MS4A15: variants seen among roughly 807,000 people sequenced by gnomAD.
The protein encoded by MS4A15 is membrane spanning 4-domains A15.
MS4A15 carries 22 observed loss-of-function variants against 20.6 expected under a neutral mutation model. The observed-to-expected ratio is 1.07, with a 90% confidence interval of 0.76 to 1.52. The LOEUF (loss-of-function observed/expected upper bound fraction) is 1.52, where lower values mean the gene tolerates loss of function less well. Ranked by LOEUF, MS4A15 falls within the 40% of genes most tolerant of loss-of-function variation. The probability of loss-of-function intolerance (pLI) is 0.00; values close to 1 mark genes in which losing one functional copy is unlikely to be tolerated. For synonymous variants in MS4A15, 129 were observed against 129.3 expected (o/e 1.00, Z 0.02); for missense variants, 312 against 323.0 (o/e 0.97, Z 0.26).
rs538028502 is a variant in MS4A15 at position 60,773,552 on chromosome 11, G to A, written c.498+68G>A. 4.7e-4 allele frequency: 688 copies of A among 1,453,254 alleles called. 1 individual carries two copies. In the African/African-American group the frequency reaches 9.0e-3, roughly 19 times the overall value. The allele number at this position is 1,453,254 out of a possible 1,614,324, so 90.0% of individuals were successfully genotyped here. On this transcript the variant is annotated intron_variant, in intron 5 of 6. Transcript: ENST00000405633. ...TGATGCAGCCATGTCCAGGAGGGTA[G>A]GGAGGTGAGAGTTTGCAGCGCCAGG...
Position 60,763,941 on chromosome 11 carries a change from G to C in MS4A15, c.208G>C (p.Glu70Gln). 1 of 1,612,716 alleles carries C rather than the reference G, an allele frequency of 6.2e-7. No individual in the cohort carries two copies. Among genetic ancestry groups the C allele is most frequent in the African/African-American group, 1.3e-5 (1 of 75,020 alleles). The part of the protein sequence containing the change: ...LRPVETFLTG[E>Q]PKVLGTVQIL... ...GCCCGTGGAGACATTCCTGACAGGA[G>C]AGCCCAAAGTTTTGGGGGTAAGAAC... The change falls in exon 2 of 7, where the codon GAG becomes CAG. Residue 70 changes from glutamate to glutamine, a missense_variant. Transcript: ENST00000405633.
At chr11:60,769,137 A>G (rs1853962326) in intron 3 of MS4A15, among the ~76,000 whole-genome samples, 1 of 152,006 alleles carries the variant, frequency 6.6e-6, no homozygotes, top group African/African-American at 2.4e-5. Flanking sequence ...TATCACAAAT[A>G]TGCCCAGTAA....
intron 4 of MS4A15, among the ~76,000 whole-genome samples, chr11:60,772,316 G>T (rs577145675): frequency 6.6e-6 from 1 of 152,200 alleles, no homozygotes; most frequent in East Asian, 1.9e-4. Context: ...GACCACAGAG[G>T]CTTCAGCAGG....
At chr11:60,767,748 C>T in intron 3 of MS4A15, 93 bp downstream of exon 3, 1 of 1,389,716 alleles carries the variant, frequency 7.2e-7, no homozygotes, top group South Asian at 1.6e-5. Context: ...CTCCTGGGCA[C>T]AGCCTCTCCT....
intron 2 of MS4A15, among the ~76,000 whole-genome samples, chr11:60,765,560 A>G (rs1182918572): frequency 6.6e-6 from 1 of 152,164 alleles, no homozygotes; most frequent in African/African-American, 2.4e-5. Flanking sequence ...TTCCTGTTGG[A>G]CAGATTACGA....
At chr11:60,769,562 A>G (rs928018451) in intron 3 of MS4A15, among the ~76,000 whole-genome samples, 2 of 152,050 alleles carry the variant, frequency 1.3e-5, no homozygotes, top group African/African-American at 4.8e-5. Flanking sequence ...CGGATTCTAA[A>G]CCCAGCTGCC....
At chr11:60,759,322 CTA>C (rs1238919797) in intron 1 of MS4A15, among the ~76,000 whole-genome samples, 6 of 152,242 alleles carry the variant, frequency 3.9e-5, no homozygotes, top group Non-Finnish European at 8.8e-5. Context: ...GCCTTGTTAA[CTA>C]TATGTTTGCA....
intron 2 of MS4A15, among the ~76,000 whole-genome samples, 156 bp downstream of exon 2, chr11:60,764,114 G>A (rs923703098): frequency 1.3e-4 from 20 of 152,172 alleles, no homozygotes; most frequent in African/African-American, 3.9e-4. Flanking sequence ...CACCCTTCCC[G>A]CATAAAGTTC....
rs2134729776 is a variant in MS4A15 at position 60,773,478 on chromosome 11, C to T, written c.492C>T (p.Thr164=). The T allele has an allele frequency of 6.2e-7, 1 of 1,613,706 alleles. No individual in the cohort carries two copies. Among genetic ancestry groups the T allele is most frequent in the Non-Finnish European group, 8.5e-7 (1 of 1,179,736 alleles). ...TAILLMDFGV[T]NRDVDRGYLA... Reference sequence around the variant, plus strand: ...TTCTGCTCATGGATTTTGGTGTTACCAACCGGGTGCGTTGTCAGATGGCCC... The same window carrying T: ...TTCTGCTCATGGATTTTGGTGTTACTAACCGGGTGCGTTGTCAGATGGCCC... The change falls in exon 5 of 7, where the codon ACC becomes ACT. Residue 164 remains threonine (T), a synonymous_variant. Transcript: ENST00000405633.
intron 6 of MS4A15, among the ~76,000 whole-genome samples, chr11:60,775,327 A>AG (rs1854162482): frequency 1.3e-5 from 2 of 150,608 alleles, no homozygotes. Flanking sequence ...CAAAAAAAAA[A>AG]AGAAAAGAAA....
chr11:60,771,418 C>T (rs752179169), intron 4 of MS4A15, 71 bp downstream of exon 4: 11 of 1,598,790 alleles, frequency 6.9e-6, no homozygotes, highest in Non-Finnish European at 8.5e-6. Context: ...CCTGCCCCTC[C>T]CATCCACTCA....
intron 3 of MS4A15, 133 bp downstream of exon 3, chr11:60,767,788 G>T (rs1186979261): frequency 7.1e-6 from 8 of 1,125,324 alleles, no homozygotes; most frequent in Non-Finnish European, 8.3e-6. Context: ...CTTCCTAGAA[G>T]AACTAGAGTC....
At position 60,767,645 on chromosome 11, in the gene MS4A15, G is replaced by A; in HGVS notation, c.338G>A (p.Gly113Glu). The A allele has an allele frequency of 6.4e-7, 1 of 1,552,454 alleles. No homozygotes were observed. The highest frequency in any genetic ancestry group is 8.7e-7 in the Non-Finnish European group (1 of 1,147,678). The change falls in exon 3 of 7, where the codon GGA (glycine) becomes GAA (glutamate). Residue 113 changes from glycine (G) to glutamate (E), a missense_variant. Physicochemically the swap from Gly to Glu is moderately conservative, Grantham distance 98 (BLOSUM62 -2). Transcript: ENST00000405633. ...ATCGAGGGCGGCGTCCCCTTCTGGG[G>A]AGGAGCCTGCGTGAGTGCCGGGGCC... ...FFIEGGVPFW[G>E]GACFIISGSL...
intron 1 of MS4A15, among the ~76,000 whole-genome samples, chr11:60,762,536 A>G (rs1239251943): frequency 2.0e-5 from 3 of 152,242 alleles, no homozygotes; most frequent in African/African-American, 4.8e-5. Context: ...AAGGCTTTCA[A>G]TAGTTAAACC....
intron 1 of MS4A15, among the ~76,000 whole-genome samples, chr11:60,757,571 A>G (rs545732881): frequency 7.8e-4 from 118 of 152,210 alleles, no homozygotes; most frequent in African/African-American, 2.5e-3. Flanking sequence ...ATTTTTTTCT[A>G]GTGATCATGA....
At chr11:60,774,685 A>C (rs1386731373) in intron 6 of MS4A15, among the ~76,000 whole-genome samples, 1 of 152,206 alleles carries the variant, frequency 6.6e-6, no homozygotes, top group Non-Finnish European at 1.5e-5. Flanking sequence ...GATTTCCAAA[A>C]AAAATGGAGG....
chr11:60,771,015 G>C (rs776934638), intron 3 of MS4A15, among the ~76,000 whole-genome samples: 12 of 152,166 alleles, frequency 7.9e-5, no homozygotes, highest in Non-Finnish European at 1.8e-4. Flanking sequence ...GCCTCACTCA[G>C]TAAATGTTTG....
At chr11:60,758,440 T>C (rs1853645355) in intron 1 of MS4A15, among the ~76,000 whole-genome samples, 1 of 152,194 alleles carries the variant, frequency 6.6e-6, no homozygotes, top group South Asian at 2.1e-4. Context: ...AAATAAGGAT[T>C]GTCAGACAGC....
intron 3 of MS4A15, among the ~76,000 whole-genome samples, chr11:60,769,183 C>G (rs149878206): frequency 8.9e-4 from 135 of 152,150 alleles, no homozygotes; most frequent in African/African-American, 2.8e-3. Context: ...AAAGCAAAAA[C>G]TTGATTTTCA....
Sources: allele counts gnomAD v4.1 joint callset (sites outside exome capture counted in the v4.1 genomes callset), GRCh38; gene constraint gnomAD v4.1.1; transcripts MANE v1.5; gene names NCBI Gene and HGNC (gene_info 2026-07-23, HGNC 2026-07-21).